Variants in TMEM132C observed in about 807,000 individuals in gnomAD.
TMEM132C encodes transmembrane protein 132C, also known as protein phosphatase 1, regulatory subunit 152.
Under a neutral mutation model 61.4 loss-of-function variants are expected in TMEM132C, and 29 were observed. The ratio of observed to expected loss-of-function variants is 0.47; its 90% CI spans 0.35 to 0.64. TMEM132C has a LOEUF of 0.64. Ranked by LOEUF, TMEM132C falls within the 30% of genes least tolerant of loss-of-function variation. The pLI is 0.00. For synonymous variants in TMEM132C, 656 were observed against 633.1 expected (o/e 1.04, Z -0.54); for missense variants, 1,408 against 1,476.9 (o/e 0.95, Z 0.76).
intron 1 of TMEM132C, among the ~76,000 whole-genome samples, chr12:128,330,333 T>TCTCTGCTGTGTGATCCCC (rs1872637184): frequency 6.6e-6 from 1 of 152,198 alleles, no homozygotes; most frequent in Admixed American, 6.5e-5. Context: ...TGGTGATTCC[T>TCTCTGCTGTGTGATCCCC]CTCTGCTGTG....
intron 1 of TMEM132C, among the ~76,000 whole-genome samples, chr12:128,284,632 A>G (rs1871002155): frequency 6.6e-6 from 1 of 152,212 alleles, no homozygotes; most frequent in African/African-American, 2.4e-5. Flanking sequence ...TCTTCTATGC[A>G]CAGATTAGAC....
At chr12:128,557,949 C>T (rs887906209) in intron 3 of TMEM132C, among the ~76,000 whole-genome samples, 5 of 152,230 alleles carry the variant, frequency 3.3e-5, no homozygotes, top group Admixed American at 2.0e-4. Flanking sequence ...TTGAGCCAGC[C>T]CGGCAACTTG....
chr12:128,451,949 G>T (rs1565940434), intron 2 of TMEM132C, among the ~76,000 whole-genome samples: 1 of 151,768 alleles, frequency 6.6e-6, no homozygotes, highest in Non-Finnish European at 1.5e-5. Flanking sequence ...AAAATACAGT[G>T]ATAAGTTGAA....
chr12:128,432,924 G>A (rs1398553123), intron 2 of TMEM132C, among the ~76,000 whole-genome samples: 1 of 151,894 alleles, frequency 6.6e-6, no homozygotes, highest in East Asian at 1.9e-4. Flanking sequence ...CACTGCTACA[G>A]CCACCCCAGC....
rs1024248252 is a variant in TMEM132C at position 128,707,291 on chromosome 12, A to G, written c.*996A>G. The G allele has an allele frequency of 6.6e-6, 1 of 152,208 alleles. No individual in the cohort carries two copies. Among genetic ancestry groups the G allele is most frequent in the Non-Finnish European group, 1.5e-5 (1 of 68,076 alleles). 9.4% of individuals were successfully genotyped at this position (152,208 alleles called of 1,614,324 possible). A position where few individuals can be genotyped will look rare whatever the true frequency, so the allele number is the denominator to read the frequency against. ...CCCCTGTCATCGTGGGGATGTTCCT[A>G]TATGGGAGAAAGTTGGGTTAAATCA... On this transcript the variant is annotated 3_prime_UTR_variant, in exon 9 of 9. Transcript: ENST00000435159.
chr12:128,446,841 G>A (rs1249887997), intron 2 of TMEM132C, among the ~76,000 whole-genome samples: 1 of 152,176 alleles, frequency 6.6e-6, no homozygotes, highest in Non-Finnish European at 1.5e-5. Flanking sequence ...TTGCTCTGCT[G>A]TTTTCTAAGA....
chr12:128,564,226 G>C (rs1298580574), intron 3 of TMEM132C, among the ~76,000 whole-genome samples: 1 of 152,172 alleles, frequency 6.6e-6, no homozygotes, highest in African/African-American at 2.4e-5. Context: ...GCTCTGAAAG[G>C]CCTCACCTCT....
chr12:128,590,202 C>T (rs1407815387), intron 3 of TMEM132C, among the ~76,000 whole-genome samples: 1 of 152,182 alleles, frequency 6.6e-6, no homozygotes, highest in Non-Finnish European at 1.5e-5. Context: ...AGAGTTAGTG[C>T]ATTCACAAGG....
At chr12:128,702,232 C>A (rs1024922891) in intron 8 of TMEM132C, among the ~76,000 whole-genome samples, 2 of 151,868 alleles carry the variant, frequency 1.3e-5, no homozygotes, top group African/African-American at 4.8e-5. Flanking sequence ...ATTTCAACTC[C>A]TTTTAATGTC....
chr12:128,487,447 A>G (rs1593070921), intron 2 of TMEM132C, among the ~76,000 whole-genome samples: 1 of 139,726 alleles, frequency 7.2e-6, no homozygotes, highest in East Asian at 2.2e-4. Flanking sequence ...CCTTCAGTAT[A>G]GTCTTTTATA....
At chr12:128,680,896 T>C (rs1566013279) in intron 5 of TMEM132C, among the ~76,000 whole-genome samples, 2 of 152,082 alleles carry the variant, frequency 1.3e-5, no homozygotes, top group Admixed American at 1.3e-4. Flanking sequence ...GAAAGAGAAG[T>C]TTTTAAGTCT....
chr12:128,312,721 C>T (rs1231108180), intron 1 of TMEM132C, among the ~76,000 whole-genome samples: 1 of 152,190 alleles, frequency 6.6e-6, no homozygotes, highest in Non-Finnish European at 1.5e-5. Flanking sequence ...CCAACCCTGC[C>T]AACACCTTGA....
chr12:128,678,217 G>A (rs1310209704), intron 5 of TMEM132C, among the ~76,000 whole-genome samples: 1 of 152,166 alleles, frequency 6.6e-6, no homozygotes, highest in African/African-American at 2.4e-5. Flanking sequence ...TTATCCTCAA[G>A]AGCCATTTGG....
chr12:128,329,875 T>C (rs1203414307), intron 1 of TMEM132C, among the ~76,000 whole-genome samples: 1 of 152,194 alleles, frequency 6.6e-6, no homozygotes, highest in Non-Finnish European at 1.5e-5. Flanking sequence ...TTAAAGGTGC[T>C]GAGGTTCGAT....
At chr12:128,515,053 G>C (rs1276711084) in intron 2 of TMEM132C, among the ~76,000 whole-genome samples, 1 of 152,202 alleles carries the variant, frequency 6.6e-6, no homozygotes, top group Non-Finnish European at 1.5e-5. Flanking sequence ...TTACCATGGA[G>C]ATAACTCGAT....
At chr12:128,558,845 G>T (rs896221220) in intron 3 of TMEM132C, among the ~76,000 whole-genome samples, 2 of 152,196 alleles carry the variant, frequency 1.3e-5, no homozygotes, top group African/African-American at 4.8e-5. Flanking sequence ...CAACACTAAA[G>T]GTCCTAGGCT....
chr12:128,366,101 A>G (rs1371840731), intron 1 of TMEM132C, among the ~76,000 whole-genome samples: 1 of 152,144 alleles, frequency 6.6e-6, no homozygotes, highest in Non-Finnish European at 1.5e-5. Flanking sequence ...TCACACAGAC[A>G]AGATGTGTGT....
intron 1 of TMEM132C, among the ~76,000 whole-genome samples, chr12:128,272,051 C>T (rs1870539002): frequency 6.6e-6 from 1 of 152,184 alleles, no homozygotes. Flanking sequence ...GTGTAATTTG[C>T]ACACAATAAA....
intron 1 of TMEM132C, among the ~76,000 whole-genome samples, chr12:128,411,542 T>G (rs1214534053): frequency 6.6e-6 from 1 of 152,204 alleles, no homozygotes; most frequent in Non-Finnish European, 1.5e-5. Flanking sequence ...TTGGACATAT[T>G]CTGATCATTC....
Sources: allele counts gnomAD v4.1 joint callset (sites outside exome capture counted in the v4.1 genomes callset), GRCh38; gene constraint gnomAD v4.1.1; transcripts MANE v1.5; gene names NCBI Gene and HGNC (gene_info 2026-07-23, HGNC 2026-07-21).